MARCHF1: variants seen among roughly 807,000 people sequenced by gnomAD.
MARCHF1 encodes E3 ubiquitin-protein ligase MARCHF1.
Under a neutral mutation model 54.2 loss-of-function variants are expected in MARCHF1, and 40 were observed. That is an observed-to-expected ratio of 0.74 (90% CI 0.57 to 0.96). MARCHF1 has a LOEUF of 0.96. Ranked by LOEUF, MARCHF1 falls within the 40% of genes least tolerant of loss-of-function variation. MARCHF1 has a pLI of 0.00. For missense variants in MARCHF1, 586 were observed against 656.5 expected, an observed-to-expected ratio of 0.89 and a Z score of 1.17; for synonymous variants, 236 against 236.3, an observed-to-expected ratio of 1.00 and a Z score of 0.01.
chr4:164,074,945 C>T (rs1754946111), intron 2 of MARCHF1, among the ~76,000 whole-genome samples: 1 of 151,342 alleles, frequency 6.6e-6, no homozygotes, highest in African/African-American at 2.4e-5. Context: ...TATAAAAATG[C>T]CACCCTGGAC....
At chr4:164,052,314 T>C (rs1338742257) in intron 2 of MARCHF1, among the ~76,000 whole-genome samples, 3 of 151,918 alleles carry the variant, frequency 2.0e-5, no homozygotes, top group African/African-American at 7.3e-5. Flanking sequence ...GGTGGATCAA[T>C]TGAGGTCAGG....
chr4:163,713,985 CAAT>C (rs1231091473), intron 4 of MARCHF1, among the ~76,000 whole-genome samples: 1 of 152,102 alleles, frequency 6.6e-6, no homozygotes, highest in Non-Finnish European at 1.5e-5. Flanking sequence ...ATAAGCATAA[CAAT>C]AAATTTGCAG....
intron 2 of MARCHF1, among the ~76,000 whole-genome samples, chr4:164,000,296 T>C (rs956340428): frequency 2.0e-5 from 3 of 151,710 alleles, no homozygotes; most frequent in Non-Finnish European, 3.0e-5. Flanking sequence ...AATAATACTT[T>C]AGGCCATATT....
chr4:163,765,712 A>T (rs1307009541), intron 4 of MARCHF1, among the ~76,000 whole-genome samples: 5 of 151,734 alleles, frequency 3.3e-5, no homozygotes, highest in African/African-American at 4.8e-5. Context: ...TACTACTTTC[A>T]TGGTGTCCAA....
At chr4:164,146,803 A>G (rs1729758679) in intron 1 of MARCHF1, among the ~76,000 whole-genome samples, 1 of 152,168 alleles carries the variant, frequency 6.6e-6, no homozygotes, top group South Asian at 2.1e-4. Flanking sequence ...CAATGGCAAC[A>G]GAAGCCAAAA....
At position 163,977,066 on chromosome 4, in the gene MARCHF1, T is replaced by C. The variant is rs78030431; in HGVS notation, c.-39+11435A>G. On this transcript the variant is annotated intron_variant, in intron 3 of 9. Transcript: ENST00000514618. ...AAAAGTTGTGAGTTATGATGAAAAG[T>C]ATATAAAACAGTGCTAAGTCAACAC... is the stretch of plus-strand genomic sequence containing the variant. Among the ~76,000 whole-genome samples, 335 of 152,148 alleles carry C rather than the reference T, an allele frequency of 2.2e-3. 6 individuals carry two copies. In the East Asian group the frequency reaches 0.046, roughly 21 times the overall value.
intron 4 of MARCHF1, among the ~76,000 whole-genome samples, chr4:163,808,870 G>A (rs1458945211): frequency 6.6e-6 from 1 of 152,056 alleles, no homozygotes; most frequent in African/African-American, 2.4e-5. Context: ...TGCCCGGCCT[G>A]GAAATGCATT....
intron 2 of MARCHF1, among the ~76,000 whole-genome samples, chr4:164,087,476 T>TAC (rs1755213728): frequency 6.6e-6 from 1 of 152,086 alleles, no homozygotes; most frequent in Non-Finnish European, 1.5e-5. Context: ...ATAGACAAAG[T>TAC]ACAATATATA....
chr4:163,997,461 C>T (rs987300939), intron 2 of MARCHF1, among the ~76,000 whole-genome samples: 7 of 151,978 alleles, frequency 4.6e-5, no homozygotes, highest in Non-Finnish European at 8.8e-5. Flanking sequence ...AAGGGCTACT[C>T]TCGTAGTACC....
intron 5 of MARCHF1, among the ~76,000 whole-genome samples, chr4:163,694,374 T>G (rs911396891): frequency 2.6e-5 from 4 of 152,180 alleles, no homozygotes; most frequent in African/African-American, 9.6e-5. Flanking sequence ...TTTACCTGCA[T>G]GTAAAGAGAA....
intron 1 of MARCHF1, chr4:164,189,393 G>T: frequency 1.5e-6 from 1 of 666,550 alleles, no homozygotes; most frequent in Non-Finnish European, 2.7e-6. Context: ...GGTCTACTAT[G>T]AGGCCTGTCC....
intron 4 of MARCHF1, among the ~76,000 whole-genome samples, chr4:163,716,107 T>A (rs1745246931): frequency 6.6e-6 from 1 of 152,194 alleles, no homozygotes; most frequent in African/African-American, 2.4e-5. Flanking sequence ...TGTAACTAGC[T>A]TTCTGAAACT....
intron 1 of MARCHF1, among the ~76,000 whole-genome samples, chr4:164,204,399 G>T: frequency 6.6e-6 from 1 of 152,130 alleles, no homozygotes; most frequent in East Asian, 1.9e-4. Context: ...CTCCACAAAA[G>T]AATCCATTTT....
At chr4:164,220,259 TAC>T (rs1443856801) in intron 1 of MARCHF1, among the ~76,000 whole-genome samples, 11 of 147,184 alleles carry the variant, frequency 7.5e-5, no homozygotes, top group African/African-American at 2.7e-4. Context: ...TACGTATATA[TAC>T]ACATACATAT....
chr4:163,821,401 T>G (rs1167780676), intron 4 of MARCHF1, among the ~76,000 whole-genome samples: 1 of 152,036 alleles, frequency 6.6e-6, no homozygotes, highest in African/African-American at 2.4e-5. Flanking sequence ...GTATGGTTAT[T>G]GCCTGCTAGA....
intron 3 of MARCHF1, among the ~76,000 whole-genome samples, chr4:163,924,764 T>TC (rs1751502838): frequency 1.3e-5 from 2 of 151,956 alleles, no homozygotes; most frequent in Admixed American, 6.6e-5. Flanking sequence ...CTAGAAAGGT[T>TC]TAATCCAAAG....
chr4:163,796,541 T>C lies in MARCHF1; in HGVS notation c.111+57480A>G, dbSNP rs537351228. On this transcript the variant is annotated intron_variant, in intron 4 of 9. Coordinates refer to ENST00000514618, the MANE Select transcript of MARCHF1 (RefSeq NM_001394959.1). Reference sequence around the variant, plus strand: ...CTTTTTTCCAGGAGCAGAGGAAGAATAGAGGGGTAGTATTTGCTTTACCTA... The same window carrying C: ...CTTTTTTCCAGGAGCAGAGGAAGAACAGAGGGGTAGTATTTGCTTTACCTA... 7.2e-4 allele frequency among the ~76,000 whole-genome samples: 110 copies of C among 152,158 alleles called. 1 individual carries two copies. The highest frequency in any genetic ancestry group is 1.2e-3 in the Non-Finnish European group (82 of 68,036).
At chr4:163,857,017 A>AATAC (rs1339426730) in intron 3 of MARCHF1, among the ~76,000 whole-genome samples, 1 of 143,754 alleles carries the variant, frequency 7.0e-6, no homozygotes. Flanking sequence ...TGTCTCGAAA[A>AATAC]ATAAATAAAT....
chr4:164,349,237 T>C (rs1401610078), intron 1 of MARCHF1, among the ~76,000 whole-genome samples: 1 of 152,136 alleles, frequency 6.6e-6, no homozygotes, highest in Non-Finnish European at 1.5e-5. Flanking sequence ...CACAAATGAA[T>C]TGAAAGTTAA....
Sources: allele counts gnomAD v4.1 joint callset (sites outside exome capture counted in the v4.1 genomes callset), GRCh38; gene constraint gnomAD v4.1.1; transcripts MANE v1.5; gene names NCBI Gene and HGNC (gene_info 2026-07-23, HGNC 2026-07-21).